The following ADAM23 variants were observed in gnomAD, a reference collection of about 807,000 sequenced individuals.
The protein encoded by ADAM23 is disintegrin and metalloproteinase domain-containing protein 23.
In ADAM23, 33 loss-of-function variants were observed where a neutral mutation model predicts 120.1. The ratio of observed to expected loss-of-function variants is 0.27; its 90% CI spans 0.21 to 0.37. ADAM23 has a LOEUF of 0.37. Ranked by LOEUF, ADAM23 falls within the 10% of genes least tolerant of loss-of-function variation. ADAM23 has a pLI of 1.00. For synonymous variants in ADAM23, 367 were observed against 375.2 expected (o/e 0.98, Z 0.25); for missense variants, 862 against 1,058.2 (o/e 0.81, Z 2.57).
chr2:206,485,843 T>A (rs1368766783), intron 3 of ADAM23, among the ~76,000 whole-genome samples: 6 of 151,960 alleles, frequency 3.9e-5, no homozygotes, highest in Admixed American at 3.3e-4. Flanking sequence ...ATTTAGATGG[T>A]CAGAAGAAGC....
At chr2:206,479,283 TA>T (rs1343581967) in intron 2 of ADAM23, among the ~76,000 whole-genome samples, 7 of 152,220 alleles carry the variant, frequency 4.6e-5, no homozygotes, top group African/African-American at 1.7e-4. Flanking sequence ...TCAGTGTTTG[TA>T]CTTGTCACAT....
In ADAM23 at chr2:206,565,055, A is replaced by G; in HGVS notation, c.1381A>G (p.Met461Val). 1 of 1,614,082 alleles carries G rather than the reference A, an allele frequency of 6.2e-7. No individual in the cohort carries two copies. Among genetic ancestry groups the G allele is most frequent in the Non-Finnish European group, 8.5e-7 (1 of 1,179,974 alleles). Residue 461 changes from methionine to valine, a missense_variant, in exon 14 of 26, where the codon ATG becomes GTG. Coordinates refer to ENST00000264377, the MANE Select transcript of ADAM23 (RefSeq NM_003812.4). ...DCTESWGGCIMEETGVSHSRK... is the reference protein window; with the variant it reads ...DCTESWGGCIVEETGVSHSRK... ...CACAGAATCCTGGGGTGGCTGCATCATGGAGGAAACAGGGTAAATTTTCAT... is the reference window on the plus strand; with the variant it reads ...CACAGAATCCTGGGGTGGCTGCATCGTGGAGGAAACAGGGTAAATTTTCAT...
intron 4 of ADAM23, among the ~76,000 whole-genome samples, chr2:206,540,197 G>C (rs913372766): frequency 6.8e-4 from 87 of 127,626 alleles, no homozygotes; most frequent in African/African-American, 2.6e-3. Context: ...GAAAAGAAAA[G>C]AAAAGCAGCC....
chr2:206,564,809 G>C (rs924056133), intron 13 of ADAM23, among the ~76,000 whole-genome samples: 9 of 152,136 alleles, frequency 5.9e-5, no homozygotes, highest in African/African-American at 2.2e-4. Context: ...CTTGCCAGCT[G>C]TTTTCTTAGG....
At chr2:206,537,068 A>T (rs1247073226) in intron 4 of ADAM23, among the ~76,000 whole-genome samples, 1 of 152,078 alleles carries the variant, frequency 6.6e-6, no homozygotes, top group African/African-American at 2.4e-5. Flanking sequence ...TTGTACTGTG[A>T]CCTTTTTGAG....
chr2:206,579,082 GT>G (rs1174083344), intron 18 of ADAM23, among the ~76,000 whole-genome samples: 54 of 151,500 alleles, frequency 3.6e-4, no homozygotes, highest in Admixed American at 3.5e-3. Flanking sequence ...TGATGGGATT[GT>G]TTTTTTTCTT....
At chr2:206,564,159 T>C (rs1012582417) in intron 13 of ADAM23, among the ~76,000 whole-genome samples, 4 of 152,110 alleles carry the variant, frequency 2.6e-5, no homozygotes, top group Non-Finnish European at 4.4e-5. Flanking sequence ...TAGGTATATA[T>C]AGATAGATGT....
intron 13 of ADAM23, among the ~76,000 whole-genome samples, chr2:206,563,647 T>G (rs531832521): frequency 6.6e-6 from 1 of 152,264 alleles, no homozygotes; most frequent in African/African-American, 2.4e-5. Context: ...CTGAGAGGTG[T>G]TACTGAGTTG....
chr2:206,571,080 G>A (rs913062750), intron 16 of ADAM23, among the ~76,000 whole-genome samples: 6 of 152,096 alleles, frequency 3.9e-5, no homozygotes, highest in Non-Finnish European at 5.9e-5. Context: ...TTACCAAATC[G>A]TAAAACATTC....
At chr2:206,565,156 CT>C in intron 14 of ADAM23, 88 bp downstream of exon 14, 1 of 1,157,952 alleles carries the variant, frequency 8.6e-7, no homozygotes, top group Non-Finnish European at 1.3e-6. Context: ...GGGTATTGGT[CT>C]TTTAGGCTAA....
chr2:206,503,740 CA>C (rs1196238427), intron 3 of ADAM23, among the ~76,000 whole-genome samples: 3 of 152,112 alleles, frequency 2.0e-5, no homozygotes, highest in African/African-American at 7.2e-5. Flanking sequence ...AATATTCTGT[CA>C]TAAGTCAATT....
intron 13 of ADAM23, among the ~76,000 whole-genome samples, chr2:206,564,513 A>G (rs1697839415): frequency 6.6e-6 from 1 of 152,222 alleles, no homozygotes; most frequent in Non-Finnish European, 1.5e-5. Context: ...TGTTTGTGCA[A>G]CAGAGCTTTA....
At chr2:206,472,429 GT>G (rs1440959936) in intron 2 of ADAM23, among the ~76,000 whole-genome samples, 5 of 151,902 alleles carry the variant, frequency 3.3e-5, no homozygotes, top group Non-Finnish European at 5.9e-5. Context: ...GGCCAATATG[GT>G]GAAACCCTGT....
At chr2:206,562,645 G>C (rs188916741) in intron 13 of ADAM23, among the ~76,000 whole-genome samples, 64 of 152,308 alleles carry the variant, frequency 4.2e-4, no homozygotes, top group Non-Finnish European at 4.4e-5. Flanking sequence ...CACAAGCTTA[G>C]TGAGATCACA....
chr2:206,553,920 A>G (rs1306416059), intron 9 of ADAM23, among the ~76,000 whole-genome samples: 1 of 152,220 alleles, frequency 6.6e-6, no homozygotes. Flanking sequence ...TGAAAAACCA[A>G]ATTCTAATCT....
At chr2:206,593,119 T>A (rs564670881) in intron 22 of ADAM23, among the ~76,000 whole-genome samples, 1 of 152,300 alleles carries the variant, frequency 6.6e-6, no homozygotes, top group South Asian at 2.1e-4. Flanking sequence ...CTATAGTTTA[T>A]GAAGTGTATG....
chr2:206,596,976 T>C (rs1698540169), intron 24 of ADAM23, among the ~76,000 whole-genome samples: 2 of 144,136 alleles, frequency 1.4e-5, no homozygotes, highest in Non-Finnish European at 1.5e-5. Context: ...GGCACAATCA[T>C]GGCTCACTGA....
chr2:206,474,749 A>AT (rs1224765828), intron 2 of ADAM23, among the ~76,000 whole-genome samples: 1 of 151,482 alleles, frequency 6.6e-6, no homozygotes, highest in East Asian at 1.9e-4. Flanking sequence ...TAATTTTTGT[A>AT]TTTTTCATAG....
chr2:206,466,570 A>G (rs149224398), intron 2 of ADAM23, among the ~76,000 whole-genome samples: 1 of 152,298 alleles, frequency 6.6e-6, no homozygotes, highest in African/African-American at 2.4e-5. Flanking sequence ...TATCCCTAAT[A>G]TGCCCTTATT....
Sources: allele counts gnomAD v4.1 joint callset (sites outside exome capture counted in the v4.1 genomes callset), GRCh38; gene constraint gnomAD v4.1.1; transcripts MANE v1.5; gene names NCBI Gene and HGNC (gene_info 2026-07-23, HGNC 2026-07-21).